The following BRD7 variants were observed in gnomAD, a reference collection of about 807,000 sequenced individuals.
BRD7 encodes bromodomain containing 7.
A neutral mutation model predicts 82.1 loss-of-function variants in BRD7; 15 were observed. The ratio of observed to expected loss-of-function variants is 0.18; its 90% CI spans 0.12 to 0.28. The LOEUF (loss-of-function observed/expected upper bound fraction) is 0.28, where lower values mean the gene tolerates loss of function less well. BRD7 is among the 10% of genes least tolerant of loss of function. The pLI is 1.00. For missense variants in BRD7, 638 were observed against 779.9 expected (o/e 0.82, Z 2.17); for synonymous variants, 232 against 266.9 (o/e 0.87, Z 1.27).
chr16:50,360,469 T>G (rs1273620729), intron 2 of BRD7, among the ~76,000 whole-genome samples: 1 of 152,256 alleles, frequency 6.6e-6, no homozygotes, highest in Non-Finnish European at 1.5e-5. Context: ...ACATCATTTT[T>G]GGCCCTAGGC....
rs1397886610 is a variant in BRD7, at chr16:50,368,779, G to C, written c.-5C>G. ...CTTCTTGTGCTTCTTGCCCATGTCC[G>C]ACCGGGCCCCGGTGCCCGCCCCCCG... On this transcript the variant is annotated 5_prime_UTR_variant, in exon 1 of 17. Coordinates refer to ENST00000394688, the MANE Select transcript of BRD7 (RefSeq NM_013263.5). 2 of 1,532,948 alleles carry C rather than the reference G, an allele frequency of 1.3e-6. No individual in the cohort carries two copies. The highest frequency in any genetic ancestry group is 1.8e-6 in the Non-Finnish European group (2 of 1,140,496). The allele number at this position is 1,532,948 out of a possible 1,614,324, so 95.0% of individuals were successfully genotyped here.
intron 2 of BRD7, among the ~76,000 whole-genome samples, chr16:50,367,291 T>C (rs1431576017): frequency 6.6e-6 from 1 of 152,120 alleles, no homozygotes; most frequent in Non-Finnish European, 1.5e-5. Context: ...GGTATGATCA[T>C]ACCTCACTGT....
intron 5 of BRD7, among the ~76,000 whole-genome samples, chr16:50,341,014 T>C (rs2038024621): frequency 6.6e-6 from 1 of 152,168 alleles, no homozygotes; most frequent in Admixed American, 6.5e-5. Flanking sequence ...ATAAGTAGAC[T>C]GAGTTCTATG....
At position 50,340,434 on chromosome 16, in the gene BRD7, A is replaced by AT. The variant is rs370253162; in HGVS notation, c.592-349dup. Among the ~76,000 whole-genome samples the AT allele has an allele frequency of 3.2e-3, 490 of 152,334 alleles. 2 individuals carry two copies. The highest frequency in any genetic ancestry group is 0.011 in the African/African-American group (450 of 41,578). ...AAATACTTCTATTTCATATGTAATG[A>AT]TTTTAGCTGAGTAGTTCATGTAAAT... On this transcript the variant is annotated intron_variant, in intron 5 of 16. Coordinates refer to ENST00000394688, the MANE Select transcript of BRD7 (RefSeq NM_013263.5).
intron 2 of BRD7, among the ~76,000 whole-genome samples, chr16:50,355,376 T>C (rs1300548761): frequency 3.9e-5 from 6 of 152,314 alleles, no homozygotes; most frequent in Admixed American, 2.6e-4. Flanking sequence ...AACAAGCCAA[T>C]TGCATTAATT....
intron 12 of BRD7, among the ~76,000 whole-genome samples, chr16:50,322,275 A>T (rs564553847): frequency 6.6e-6 from 1 of 152,250 alleles, no homozygotes; most frequent in Non-Finnish European, 1.5e-5. Flanking sequence ...AAAGCTATAT[A>T]CATGTTTAAG....
chr16:50,338,792 C>T (rs1292596519), intron 6 of BRD7, among the ~76,000 whole-genome samples: 2 of 152,152 alleles, frequency 1.3e-5, no homozygotes, highest in African/African-American at 2.4e-5. Context: ...TAATGTCTTG[C>T]CCAAAGTCCA....
intron 1 of BRD7, 58 bp from the exon 2 acceptor site, chr16:50,368,356 G>A: frequency 2.6e-6 from 4 of 1,560,464 alleles, no homozygotes; most frequent in South Asian, 1.1e-5. Flanking sequence ...GGGCTCTCCA[G>A]GGAGTGCTAA....
intron 6 of BRD7, among the ~76,000 whole-genome samples, chr16:50,337,615 G>C (rs764075167): frequency 2.0e-5 from 3 of 152,058 alleles, no homozygotes; most frequent in Non-Finnish European, 2.9e-5. Flanking sequence ...TTATTTGAGT[G>C]TAACTGAAAA....
chr16:50,355,039 G>A, intron 2 of BRD7, 117 bp from the exon 3 acceptor site: 2 of 1,271,894 alleles, frequency 1.6e-6, no homozygotes, highest in Non-Finnish European at 2.2e-6. Flanking sequence ...TTAATAACAA[G>A]CTCAATGTAC....
intron 8 of BRD7, among the ~76,000 whole-genome samples, chr16:50,331,171 A>G (rs977155651): frequency 2.3e-4 from 35 of 152,344 alleles, no homozygotes; most frequent in African/African-American, 5.1e-4. Context: ...GAAATCATAT[A>G]TGACACAAAT....
At chr16:50,351,185 G>A (rs1353815659) in intron 4 of BRD7, among the ~76,000 whole-genome samples, 2 of 151,994 alleles carry the variant, frequency 1.3e-5, no homozygotes, top group East Asian at 1.9e-4. Context: ...ATTTTATATC[G>A]AATCCTCACA....
chr16:50,345,083 T>G (rs1039055704), intron 5 of BRD7, among the ~76,000 whole-genome samples: 10 of 152,218 alleles, frequency 6.6e-5, no homozygotes, highest in Non-Finnish European at 1.5e-4. Flanking sequence ...GCAGAAACCC[T>G]ATAAGCCAGA....
At chr16:50,351,841 T>C (rs531607513) in intron 4 of BRD7, among the ~76,000 whole-genome samples, 5 of 89,738 alleles carry the variant, frequency 5.6e-5, no homozygotes, top group African/African-American at 2.4e-4. Context: ...CTTGTATGTA[T>C]GTATGTATGT....
chr16:50,344,531 C>T (rs570566117), intron 5 of BRD7, among the ~76,000 whole-genome samples: 1 of 152,240 alleles, frequency 6.6e-6, no homozygotes, highest in East Asian at 1.9e-4. Context: ...AAAGATTAGA[C>T]GAATGGCTAA....
chr16:50,333,092 T>C (rs1163486801), intron 8 of BRD7, among the ~76,000 whole-genome samples: 2 of 152,178 alleles, frequency 1.3e-5, no homozygotes, highest in Non-Finnish European at 2.9e-5. Flanking sequence ...TCATGCAATA[T>C]ACCCACGTAA....
At chr16:50,344,370 C>A (rs536391710) in intron 5 of BRD7, among the ~76,000 whole-genome samples, 1 of 152,288 alleles carries the variant, frequency 6.6e-6, no homozygotes, top group East Asian at 1.9e-4. Context: ...TCCAAAGGAA[C>A]GCAGCTCCTT....
At chr16:50,354,340 T>C in intron 4 of BRD7, 85 bp downstream of exon 4, 1 of 1,154,414 alleles carries the variant, frequency 8.7e-7, no homozygotes, top group Non-Finnish European at 1.3e-6. Flanking sequence ...TCACGTATGT[T>C]TGGAGTTAGG....
At chr16:50,352,600 A>C (rs1417773465) in intron 4 of BRD7, among the ~76,000 whole-genome samples, 2 of 152,002 alleles carry the variant, frequency 1.3e-5, no homozygotes, top group Admixed American at 1.3e-4. Context: ...TTCTATTTTT[A>C]ATTTTTTAAG....
Sources: gnomAD v4.1 joint callset for allele counts (sites outside exome capture counted in the v4.1 genomes callset) on GRCh38, gnomAD v4.1.1 for gene constraint, MANE v1.5 for transcripts, NCBI Gene and HGNC (gene_info 2026-07-23, HGNC 2026-07-21) for gene names.